Variants in ZCCHC10 observed in about 807,000 individuals in gnomAD.
ZCCHC10 encodes zinc finger CCHC domain-containing protein 10.
Under a neutral mutation model 19.5 loss-of-function variants are expected in ZCCHC10, and 16 were observed. The observed-to-expected ratio is 0.82, with a 90% CI of 0.56 to 1.25. The LOEUF is 1.25. Among genes scored for constraint, ZCCHC10 ranks in the 50% most tolerant of loss-of-function variants. The pLI, the probability that ZCCHC10 is intolerant of heterozygous loss-of-function variation, is 0.00. For missense variants in ZCCHC10, 197 were observed against 201.0 expected, an observed-to-expected ratio of 0.98 and a Z score of 0.12; for synonymous variants, 67 against 72.5, an observed-to-expected ratio of 0.92 and a Z score of 0.38.
rs536949473 is a variant in ZCCHC10, at chr5:133,001,990, T to G, written c.270-1817A>C. 5.8e-5 allele frequency among the ~76,000 whole-genome samples: 7 copies of G among 121,326 alleles called. No homozygotes were observed. In the East Asian group the frequency reaches 1.8e-3, roughly 30 times the overall value. The allele number at this position is 121,326 out of a possible 152,430, so 79.6% of individuals were successfully genotyped here. A position where few individuals can be genotyped will look rare whatever the true frequency, so the allele number is the denominator to read the frequency against. ...TTTTTTTTTTTTTTTTGAGATGGAG[T>G]CTCCCTCTGTCGCCCAGGCAGGAGT... On this transcript the variant is annotated intron_variant, in intron 3 of 4. Transcript: ENST00000509437.
At position 133,026,478 on chromosome 5, in the gene ZCCHC10, G is replaced by C. The variant is rs746469738; in HGVS notation, c.41+19C>G. ...CCGCTCCCAGCCCTCCAGTGGACCCGAACCGGATCCTTACTTACGCTTGTC... is the reference window on the plus strand; with the variant it reads ...CCGCTCCCAGCCCTCCAGTGGACCCCAACCGGATCCTTACTTACGCTTGTC... On this transcript the variant is annotated intron_variant, in intron 1 of 4. Coordinates refer to ENST00000509437, the MANE Select transcript of ZCCHC10 (RefSeq NM_001300816.3). 1.2e-6 allele frequency: 2 copies of C among 1,613,048 alleles called. No homozygotes were observed. Among genetic ancestry groups the C allele is most frequent in the East Asian group, 2.2e-5 (1 of 44,846 alleles).
At chr5:132,998,906 A>C in intron 4 of ZCCHC10, 56 bp from the exon 5 acceptor site, 1 of 1,573,294 alleles carries the variant, frequency 6.4e-7, no homozygotes, top group Admixed American at 1.9e-5. Flanking sequence ...TAGAATGTTA[A>C]AAGCAATTTC....
At chr5:133,023,515 C>T (rs1019847484) in intron 1 of ZCCHC10, among the ~76,000 whole-genome samples, 2 of 148,346 alleles carry the variant, frequency 1.3e-5, no homozygotes, top group Non-Finnish European at 3.0e-5. Flanking sequence ...TGGCTCACAC[C>T]TGTAATCCCA....
At chr5:133,003,710 A>G (rs1234777799) in intron 3 of ZCCHC10, among the ~76,000 whole-genome samples, 2 of 151,804 alleles carry the variant, frequency 1.3e-5, no homozygotes, top group East Asian at 1.9e-4. Context: ...GGTAATGTGT[A>G]TATATATATA....
At chr5:133,004,405 C>G (rs538350168) in intron 3 of ZCCHC10, among the ~76,000 whole-genome samples, 1 of 152,308 alleles carries the variant, frequency 6.6e-6, no homozygotes, top group South Asian at 2.1e-4. Flanking sequence ...AACTCCCAAC[C>G]TCAGGTGATC....
rs565749459 is a variant in ZCCHC10, at chr5:133,000,762, C to A, written c.270-589G>T. Among the ~76,000 whole-genome samples, 22 of 151,570 alleles carry A rather than the reference C, an allele frequency of 1.5e-4. No individual in the cohort carries two copies. The Middle Eastern group carries it at 0.01, about 70-fold the overall frequency. On this transcript the variant is annotated intron_variant, in intron 3 of 4. Transcript: ENST00000509437. ...GGTTCAAGGAATTCTTCTGCCTCAG[C>A]CTCCTGAGTAGCTGGGACTACAGGT...
intron 2 of ZCCHC10, among the ~76,000 whole-genome samples, chr5:133,013,074 A>AT (rs892673894): frequency 5.4e-5 from 8 of 147,336 alleles, no homozygotes; most frequent in African/African-American, 1.7e-4. Context: ...AAAAAAAAAA[A>AT]AATAATAAAT....
intron 3 of ZCCHC10, among the ~76,000 whole-genome samples, chr5:133,003,924 G>T (rs1474527052): frequency 6.6e-6 from 1 of 151,946 alleles, no homozygotes; most frequent in Non-Finnish European, 1.5e-5. Flanking sequence ...TGGCCAGGAT[G>T]GTCTCGAACT....
intron 2 of ZCCHC10, among the ~76,000 whole-genome samples, chr5:133,012,634 G>T (rs975940433): frequency 2.0e-5 from 3 of 152,074 alleles, no homozygotes; most frequent in African/African-American, 7.2e-5. Context: ...GGGACTAGGG[G>T]CCGGTCACAG....
chr5:133,012,919 C>T (rs563939876), intron 2 of ZCCHC10, among the ~76,000 whole-genome samples: 68 of 151,650 alleles, frequency 4.5e-4, no homozygotes, highest in African/African-American at 1.5e-3. Flanking sequence ...GGCGCAGTGG[C>T]GGGTGCCTGT....
chr5:133,003,864 C>T lies in ZCCHC10; in HGVS notation c.269+2895G>A, dbSNP rs62381922. Among the ~76,000 whole-genome samples the T allele has an allele frequency of 4.2e-3, 642 of 152,148 alleles. 1 individual carries two copies. The highest frequency in any genetic ancestry group is 7.0e-3 in the Non-Finnish European group (476 of 67,998). On this transcript the variant is annotated intron_variant, in intron 3 of 4. Coordinates refer to ENST00000509437, the MANE Select transcript of ZCCHC10 (RefSeq NM_001300816.3). The stretch of plus-strand genomic sequence containing the variant: ...TAGCTGCGATTACAGGGTGCACCAC[C>T]GCACCTAGCTAATTTTTGTATTTTT...
At chr5:132,999,532 G>T (rs1310317170) in intron 4 of ZCCHC10, among the ~76,000 whole-genome samples, 1 of 152,104 alleles carries the variant, frequency 6.6e-6, no homozygotes, top group Non-Finnish European at 1.5e-5. Flanking sequence ...ACCAGATATG[G>T]CTGGCCAACA....
chr5:133,026,422 G>T, intron 1 of ZCCHC10, 75 bp downstream of exon 1: 1 of 1,574,970 alleles, frequency 6.3e-7, no homozygotes, highest in South Asian at 1.1e-5. Context: ...CCCAATAGGG[G>T]TCCGACACCA....
chr5:133,020,633 AAAAAAAAGAG>A (rs1764241812), intron 2 of ZCCHC10, among the ~76,000 whole-genome samples: 1 of 151,800 alleles, frequency 6.6e-6, no homozygotes, highest in African/African-American at 2.4e-5. Flanking sequence ...AAAAAAAAAA[AAAAAAAAGAG>A]CTATTAGAAC....
At chr5:133,018,697 C>A (rs1458103915) in intron 2 of ZCCHC10, among the ~76,000 whole-genome samples, 2 of 152,116 alleles carry the variant, frequency 1.3e-5, no homozygotes, top group Non-Finnish European at 2.9e-5. Flanking sequence ...CGTGAGCCAC[C>A]ACGTCCAGCC....
chr5:133,011,792 T>C (rs1197546347), intron 2 of ZCCHC10, among the ~76,000 whole-genome samples: 1 of 151,846 alleles, frequency 6.6e-6, no homozygotes, highest in Non-Finnish European at 1.5e-5. Context: ...CCAATAAAAA[T>C]CCCAAAAGTT....
At chr5:133,012,866 C>T (rs927364990) in intron 2 of ZCCHC10, among the ~76,000 whole-genome samples, 2 of 151,902 alleles carry the variant, frequency 1.3e-5, no homozygotes, top group Admixed American at 6.6e-5. Context: ...CTGGCTAACA[C>T]GGTGAAACCC....
In ZCCHC10 at chr5:132,997,786, G is replaced by GCA. The variant is rs1762517868; in HGVS notation, c.*796_*797insTG. 6.6e-6 allele frequency: 1 copy of GCA among 151,986 alleles called. No homozygotes were observed. The highest frequency in any genetic ancestry group is 1.5e-5 in the Non-Finnish European group (1 of 68,000). 9.4% of individuals were successfully genotyped at this position (151,986 alleles called of 1,614,324 possible). A position where few individuals can be genotyped will look rare whatever the true frequency, so the allele number is the denominator to read the frequency against. ...CTTTGAATGGTACCTTTTATTGCAT[G>GCA]TTAATACACAAAGATATTTCTAGCA... On this transcript the variant is annotated 3_prime_UTR_variant, in exon 5 of 5. Transcript: ENST00000509437.
rs192754176 is a variant in ZCCHC10, at chr5:133,007,225, T to G, written c.108-305A>C. Among the ~76,000 whole-genome samples, 715 of 152,188 alleles carry G rather than the reference T, an allele frequency of 4.7e-3. 4 individuals carry two copies. Among genetic ancestry groups the G allele is most frequent in the Non-Finnish European group, 7.9e-3 (537 of 68,004 alleles). ...CTGTTCTTGTGATAGTGAATAAATC[T>G]CACAAGATCTGATGGTTTTAAAAAT... On this transcript the variant is annotated intron_variant, in intron 2 of 4. Transcript: ENST00000509437.
Sources: gnomAD v4.1 joint callset for allele counts (sites outside exome capture counted in the v4.1 genomes callset) on GRCh38, gnomAD v4.1.1 for gene constraint, MANE v1.5 for transcripts, NCBI Gene and HGNC (gene_info 2026-07-23, HGNC 2026-07-21) for gene names.